GALK2: variants seen among roughly 807,000 people sequenced by gnomAD.
GALK2 encodes the protein galactokinase 2.
GALK2 carries 36 observed loss-of-function variants against 52.4 expected under a neutral mutation model. The observed-to-expected ratio is 0.69, with a 90% CI of 0.53 to 0.91. The LOEUF is 0.91. Among genes scored for constraint, GALK2 ranks in the 40% least tolerant of loss-of-function variants. The pLI is 0.00. For synonymous variants in GALK2, 176 were observed against 199.1 expected (o/e 0.88, Z 0.98); for missense variants, 579 against 559.1 (o/e 1.04, Z -0.36).
intron 3 of GALK2, chr15:49,353,624 T>TG (rs2151320850): frequency 6.6e-6 from 1 of 151,994 alleles, no homozygotes; most frequent in East Asian, 1.9e-4. Context: ...GTTTTTTTTT[T>TG]TTTTTGTAAA....
chr15:49,324,317 G>T (rs2037145649), intron 9 of GALK2, among the ~76,000 whole-genome samples: 1 of 148,608 alleles, frequency 6.7e-6, no homozygotes, highest in Non-Finnish European at 1.5e-5. Context: ...CTTCAACAAG[G>T]TCATAATGGG....
chr15:49,252,068 C>T (rs901113520), intron 5 of GALK2, among the ~76,000 whole-genome samples: 2 of 152,070 alleles, frequency 1.3e-5, no homozygotes, highest in Non-Finnish European at 2.9e-5. Flanking sequence ...GAGTTTGAGA[C>T]CACCCTGGCC....
chr15:49,224,326 G>A (rs549987352), intron 3 of GALK2, among the ~76,000 whole-genome samples: 1 of 152,176 alleles, frequency 6.6e-6, no homozygotes, highest in South Asian at 2.1e-4. Flanking sequence ...CTTTCGCTGT[G>A]CAGAACCTCT....
rs778996637 is a variant in GALK2, at chr15:49,292,410, A to G, written c.840A>G (p.Glu280=). The G allele has an allele frequency of 1.2e-6, 2 of 1,614,068 alleles. No homozygotes were observed. Among genetic ancestry groups the G allele is most frequent in the South Asian group, 1.1e-5 (1 of 91,084 alleles). ...EVQAKLGISL[E]EMLLVTEDAL... is the part of the protein sequence containing the mutation. Reference sequence around the variant, plus strand: ...AGGCTAAACTAGGGATTAGTCTAGAAGAAATGCTGTTGGTCACAGAAGATG... The same window carrying G: ...AGGCTAAACTAGGGATTAGTCTAGAGGAAATGCTGTTGGTCACAGAAGATG... Residue 280 remains glutamate, a synonymous_variant, in exon 8 of 10, where the codon GAA becomes GAG. Transcript: ENST00000560031.
chr15:49,156,015 A>G (rs1199608066), exon 1 of GALK2: 1 of 1,614,050 alleles, frequency 6.2e-7, no homozygotes, highest in African/African-American at 1.3e-5. Flanking sequence ...CCTATATGAC[A>G]GGTATTATTT....
chr15:49,349,852 T>TA (rs1220064373), intron 3 of GALK2, among the ~76,000 whole-genome samples: 5 of 150,512 alleles, frequency 3.3e-5, no homozygotes, highest in African/African-American at 1.2e-4. Context: ...GCAAAAACGA[T>TA]AAAAAACAAA....
chr15:49,265,598 G>T (rs1160549309), intron 5 of GALK2, among the ~76,000 whole-genome samples: 1 of 152,242 alleles, frequency 6.6e-6, no homozygotes, highest in Non-Finnish European at 1.5e-5. Flanking sequence ...CCCACTGTCT[G>T]GCACTCCCTA....
At position 49,328,597 on chromosome 15, in the gene GALK2, T is replaced by C; in HGVS notation, c.*438T>C. 1 of 1,595,766 alleles carries C rather than the reference T, an allele frequency of 6.3e-7. No individual in the cohort carries two copies. Among genetic ancestry groups the C allele is most frequent in the Non-Finnish European group, 8.6e-7 (1 of 1,168,064 alleles). On this transcript the variant is annotated 3_prime_UTR_variant, in exon 10 of 10. Coordinates refer to ENST00000560031, the MANE Select transcript of GALK2 (RefSeq NM_002044.4). ...TATTCTTCTTCCTCAAAGTTGTAGT[T>C]GTCTGTTGATGATGGTGATGATGAT...
At chr15:49,294,144 T>G (rs1159643888) in intron 8 of GALK2, among the ~76,000 whole-genome samples, 1 of 47,838 alleles carries the variant, frequency 2.1e-5, no homozygotes, top group Non-Finnish European at 7.1e-5. Flanking sequence ...CTGTCTCAAA[T>G]AAATAAATAA....
At chr15:49,299,800 T>TTTCTTTCTTTCTTTC (rs2034935611) in intron 8 of GALK2, among the ~76,000 whole-genome samples, 1 of 140,976 alleles carries the variant, frequency 7.1e-6, no homozygotes, top group African/African-American at 2.7e-5. Flanking sequence ...TCTTTCGTGC[T>TTTCTTTCTTTCTTTC]GTAGTCTGAG....
At chr15:49,315,388 C>T (rs568068955) in intron 8 of GALK2, among the ~76,000 whole-genome samples, 1 of 152,178 alleles carries the variant, frequency 6.6e-6, no homozygotes, top group Non-Finnish European at 1.5e-5. Context: ...GCTGGAACAT[C>T]CAGCTATAAT....
At position 49,329,340 on chromosome 15, in the gene GALK2, T is replaced by G. The variant is rs908392314; in HGVS notation, c.*1181T>G. ...AGCACTTTCTGAATTATGTAATGATTTGGACCAAAAAGTATTTTGCTGAAA... is the reference window on the plus strand; with the variant it reads ...AGCACTTTCTGAATTATGTAATGATGTGGACCAAAAAGTATTTTGCTGAAA... On this transcript the variant is annotated 3_prime_UTR_variant, in exon 10 of 10. Coordinates refer to ENST00000560031, the MANE Select transcript of GALK2 (RefSeq NM_002044.4). 1.0e-6 allele frequency: 1 copy of G among 985,258 alleles called. No homozygotes were observed. The highest frequency in any genetic ancestry group is 1.7e-5 in the African/African-American group (1 of 57,230). The allele number at this position is 985,258 out of a possible 1,614,324, so 61.0% of individuals were successfully genotyped here.
Position 49,180,929 on chromosome 15 carries a change from C to T in GALK2, c.53+10554C>T, listed in dbSNP as rs111461106. 6.3e-3 allele frequency among the ~76,000 whole-genome samples: 955 copies of T among 152,234 alleles called. 17 individuals carry two copies. Among genetic ancestry groups the T allele is most frequent in the African/African-American group, 0.022 (919 of 41,544 alleles). Reference sequence around the variant, plus strand: ...GGACTAAATGATGTTTCTCTGTGCTCCCAAAGGACTGTATTTGGCCGACTT... The same window carrying T: ...GGACTAAATGATGTTTCTCTGTGCTTCCAAAGGACTGTATTTGGCCGACTT... On this transcript the variant is annotated intron_variant, in intron 1 of 9. Transcript: ENST00000560031.
At position 49,328,666 on chromosome 15, in the gene GALK2, C is replaced by T. The variant is rs2037959518; in HGVS notation, c.*507C>T. The T allele has an allele frequency of 6.4e-6, 10 of 1,559,938 alleles. No individual in the cohort carries two copies. The highest frequency in any genetic ancestry group is 1.4e-5 in the African/African-American group (1 of 73,798). ...GCCACACATTCTCTCTCAATTTCAG[C>T]TTCGGAACGCTATGAAAATAATACA... On this transcript the variant is annotated 3_prime_UTR_variant, in exon 10 of 10. Transcript: ENST00000560031.
intron 1 of GALK2, among the ~76,000 whole-genome samples, chr15:49,181,137 G>C (rs367872700): frequency 7.8e-6 from 1 of 128,192 alleles, no homozygotes; most frequent in Admixed American, 1.0e-4. Flanking sequence ...TTGAGACAGG[G>C]TCTCACTCTG....
intron 4 of GALK2, among the ~76,000 whole-genome samples, chr15:49,236,157 C>T (rs1201765072): frequency 2.0e-5 from 3 of 152,112 alleles, no homozygotes; most frequent in Non-Finnish European, 4.4e-5. Flanking sequence ...GCTGGCTGTT[C>T]ATAAATAGGT....
exon 4 of GALK2, chr15:49,367,647 T>C (rs376332909): frequency 5.3e-6 from 8 of 1,522,436 alleles, no homozygotes; most frequent in Non-Finnish European, 7.0e-6. Context: ...ACGATTACTT[T>C]TGTGTTTCTA....
At chr15:49,221,392 G>A (rs112618994) in intron 3 of GALK2, among the ~76,000 whole-genome samples, 9,194 of 152,134 alleles carry the variant, frequency 0.06, 556 homozygotes, top group African/African-American at 0.15. Context: ...CTGGCCGAGC[G>A]TGGTGGCTCA....
At chr15:49,306,151 C>A (rs1323725645) in intron 8 of GALK2, among the ~76,000 whole-genome samples, 2 of 151,880 alleles carry the variant, frequency 1.3e-5, no homozygotes, top group African/African-American at 4.8e-5. Flanking sequence ...CACCCCAGGT[C>A]ACTCTTCCTG....
Sources: allele counts gnomAD v4.1 joint callset (sites outside exome capture counted in the v4.1 genomes callset), GRCh38; gene constraint gnomAD v4.1.1; transcripts MANE v1.5; gene names NCBI Gene and HGNC (gene_info 2026-07-23, HGNC 2026-07-21).